C2orf78: variants seen among roughly 807,000 people sequenced by gnomAD.
C2orf78 encodes chromosome 2 open reading frame 78, also known as uncharacterized protein C2orf78.
A neutral mutation model predicts 21.4 loss-of-function variants in C2orf78; 12 were observed. The ratio of observed to expected loss-of-function variants is 0.56; its 90% CI spans 0.36 to 0.91. The LOEUF is 0.91. Among genes scored for constraint, C2orf78 ranks in the 40% least tolerant of loss-of-function variants. The pLI, the probability that C2orf78 is intolerant of heterozygous loss-of-function variation, is 0.01. For synonymous variants in C2orf78, 396 were observed against 413.9 expected (o/e 0.96, Z 0.52); for missense variants, 1,042 against 1,092.4 (o/e 0.95, Z 0.65).
chr2:73,813,612 C>T, exon 2 of C2orf78: 4 of 1,614,038 alleles, frequency 2.5e-6, no homozygotes, highest in Non-Finnish European at 3.4e-6. Flanking sequence ...ATCAGCTCAG[C>T]ATGGCTACAG....
exon 3 of C2orf78, chr2:73,815,787 A>G: frequency 6.2e-7 from 1 of 1,613,830 alleles, no homozygotes; most frequent in Non-Finnish European, 8.5e-7. Context: ...CCAGCCAAAG[A>G]ACCCAGAGTG....
exon 3 of C2orf78, chr2:73,816,706 T>C (rs1174893462): frequency 1.9e-5 from 31 of 1,613,862 alleles, no homozygotes; most frequent in Non-Finnish European, 2.6e-5. Context: ...CGGGAGCCTG[T>C]TTCCACTGCT....
Position 73,814,250 on chromosome 2 carries a change from A to C in C2orf78, c.847+24A>C, listed in dbSNP as rs1365556422. The C allele has an allele frequency of 9.8e-6, 15 of 1,535,058 alleles. No individual in the cohort carries two copies. In the African/African-American group the frequency reaches 1.1e-4, roughly 11 times the overall value. On this transcript the variant is annotated intron_variant, in intron 2 of 2. Transcript: ENST00000409561. ...AGGTGAGTACAAACATCAAGAAAGG[A>C]GAGGAATAATGTCAGCGTTGAAAAG... is the stretch of plus-strand genomic sequence containing the variant.
chr2:73,784,559 T>C (rs1672886195), intron 1 of C2orf78, among the ~76,000 whole-genome samples, 153 bp downstream of exon 1: 1 of 151,314 alleles, frequency 6.6e-6, no homozygotes, highest in Non-Finnish European at 1.5e-5. Flanking sequence ...GGCTTTGACA[T>C]TTACTAGCTG....
chr2:73,815,785 A>G, exon 3 of C2orf78: 1 of 1,613,848 alleles, frequency 6.2e-7, no homozygotes, highest in Non-Finnish European at 8.5e-7. Context: ...ATCCAGCCAA[A>G]GAACCCAGAG....
rs1417578166 is a variant in C2orf78 at position 73,792,527 on chromosome 2, T to C, written c.97+8121T>C. Among the ~76,000 whole-genome samples, 32 of 138,680 alleles carry C rather than the reference T, an allele frequency of 2.3e-4. No individual in the cohort carries two copies. The East Asian group carries it at 4.0e-3, about 17-fold the overall frequency. 91.0% of individuals were successfully genotyped at this position (138,680 alleles called of 152,430 possible). ...AATTGTCTATTTTGTTAATACAAAA[T>C]AGGTATGTTGAATTGTTTGTCACAG... On this transcript the variant is annotated intron_variant, in intron 1 of 2. Coordinates refer to ENST00000409561, the Ensembl canonical transcript of C2orf78.
chr2:73,813,697 G>A (rs1219017007), exon 2 of C2orf78: 3 of 1,614,020 alleles, frequency 1.9e-6, no homozygotes, highest in East Asian at 4.5e-5. Flanking sequence ...GCACAACTAT[G>A]TTGTCTGGGG....
chr2:73,815,192 T>G, exon 3 of C2orf78: 1 of 1,613,950 alleles, frequency 6.2e-7, no homozygotes, highest in Non-Finnish European at 8.5e-7. Flanking sequence ...CCCAGACACT[T>G]GAGAGTAACC....
At chr2:73,815,481 A>T in exon 3 of C2orf78, 2 of 1,613,904 alleles carry the variant, frequency 1.2e-6, no homozygotes, top group Non-Finnish European at 1.7e-6. Context: ...CAATCTAAGA[A>T]ATAAGAGCCT....
chr2:73,816,431 G>A (rs1490203382), exon 3 of C2orf78: 1 of 1,613,880 alleles, frequency 6.2e-7, no homozygotes, highest in East Asian at 2.2e-5. Flanking sequence ...ATGTTTCTCG[G>A]CGGCCAAACC....
chr2:73,786,234 G>C (rs1007766850), intron 1 of C2orf78, among the ~76,000 whole-genome samples: 2 of 151,678 alleles, frequency 1.3e-5, no homozygotes, highest in Admixed American at 6.6e-5. Flanking sequence ...ATAAGAATTA[G>C]CTGGGTGTGG....
At chr2:73,784,569 G>C (rs1167199550) in intron 1 of C2orf78, among the ~76,000 whole-genome samples, 163 bp downstream of exon 1, 5 of 151,444 alleles carry the variant, frequency 3.3e-5, no homozygotes, top group Non-Finnish European at 7.3e-5. Flanking sequence ...TTTACTAGCT[G>C]TGTGACTTTA....
At chr2:73,815,842 A>G (rs939205549) in exon 3 of C2orf78, 1 of 1,613,724 alleles carries the variant, frequency 6.2e-7, no homozygotes, top group African/African-American at 1.3e-5. Context: ...ACAGTCAGTA[A>G]CAGCGCTTCT....
intron 1 of C2orf78, among the ~76,000 whole-genome samples, chr2:73,811,409 G>A (rs1052412745): frequency 6.6e-6 from 1 of 152,130 alleles, no homozygotes; most frequent in African/African-American, 2.4e-5. Context: ...TTATATGGAT[G>A]TTTCTCCTAT....
exon 3 of C2orf78, chr2:73,817,029 G>T (rs955744181): frequency 1.3e-6 from 2 of 1,562,694 alleles, no homozygotes; most frequent in Non-Finnish European, 1.7e-6. Flanking sequence ...GATACCGCTG[G>T]TTTTCCACAT....
intron 1 of C2orf78, among the ~76,000 whole-genome samples, 192 bp from the exon 2 acceptor site, chr2:73,813,285 C>G (rs1478126360): frequency 6.6e-6 from 1 of 152,170 alleles, no homozygotes; most frequent in East Asian, 1.9e-4. Context: ...GACACAAAGA[C>G]AGTTCATCAG....
At chr2:73,784,576 T>C (rs1476921614) in intron 1 of C2orf78, among the ~76,000 whole-genome samples, 170 bp downstream of exon 1, 1 of 151,406 alleles carries the variant, frequency 6.6e-6, no homozygotes, top group Non-Finnish European at 1.5e-5. Context: ...GCTGTGTGAC[T>C]TTAGATAACT....
At chr2:73,816,201 A>G in exon 3 of C2orf78, 1 of 1,613,906 alleles carries the variant, frequency 6.2e-7, no homozygotes, top group South Asian at 1.1e-5. Flanking sequence ...GGGAAGCTCA[A>G]GCAACACCCA....
intron 1 of C2orf78, among the ~76,000 whole-genome samples, chr2:73,807,994 G>A (rs1025838548): frequency 4.0e-5 from 6 of 151,056 alleles, no homozygotes; most frequent in East Asian, 1.9e-4. Flanking sequence ...GGTGGCTCCC[G>A]CCTGTAATCC....
Sources: gnomAD v4.1 joint callset for allele counts (sites outside exome capture counted in the v4.1 genomes callset) on GRCh38, gnomAD v4.1.1 for gene constraint, MANE v1.5 for transcripts, NCBI Gene and HGNC (gene_info 2026-07-23, HGNC 2026-07-21) for gene names.